SHCBP1L: variants seen among roughly 807,000 people sequenced by gnomAD.
The protein encoded by SHCBP1L is testicular spindle-associated protein SHCBP1L.
In SHCBP1L, 67 loss-of-function variants were observed where a neutral mutation model predicts 62.5. The ratio of observed to expected loss-of-function variants is 1.07; its 90% CI spans 0.88 to 1.31. The LOEUF is 1.31. SHCBP1L is among the 40% of genes most tolerant of loss of function. The pLI is 0.00. For synonymous variants in SHCBP1L, 284 were observed against 289.4 expected (o/e 0.98, Z 0.19); for missense variants, 823 against 809.8 (o/e 1.02, Z -0.20).
chr1:182,924,695 G>GGAAAGGAAGAAA (rs1650623730), intron 6 of SHCBP1L, among the ~76,000 whole-genome samples: 1 of 76,856 alleles, frequency 1.3e-5, no homozygotes, highest in Admixed American at 1.8e-4. Flanking sequence ...GGAAAGGAAA[G>GGAAAGGAAGAAA]GAAAGGAAGA....
rs1232288081 is a variant in SHCBP1L at position 182,952,635 on chromosome 1, G to A, written c.405+94C>T. ...AACGCAAGTTTTCGTTGTGCCCTGT[G>A]GATCCCCATCCGCCTAAGAGGGAAG... On this transcript the variant is annotated intron_variant, in intron 1 of 9. Coordinates refer to ENST00000367547, the MANE Select transcript of SHCBP1L (RefSeq NM_030933.4). The A allele has an allele frequency of 5.0e-6, 7 of 1,409,476 alleles. No homozygotes were observed. The Admixed American group carries it at 1.8e-4, about 36-fold the overall frequency. 87.3% of individuals were successfully genotyped at this position (1,409,476 alleles called of 1,614,324 possible). A position where few individuals can be genotyped will look rare whatever the true frequency, so the allele number is the denominator to read the frequency against.
chr1:182,934,059 A>G (rs544476083), intron 5 of SHCBP1L, among the ~76,000 whole-genome samples: 66 of 152,130 alleles, frequency 4.3e-4, no homozygotes, highest in Non-Finnish European at 1.2e-4. Context: ...CATTTTTGGT[A>G]GATTGTGTCT....
At chr1:182,950,350 G>A (rs932953532) in intron 2 of SHCBP1L, among the ~76,000 whole-genome samples, 1 of 152,034 alleles carries the variant, frequency 6.6e-6, no homozygotes, top group Non-Finnish European at 1.5e-5. Flanking sequence ...TATTAGGGCC[G>A]GGTGCAGTGA....
At chr1:182,927,999 A>G (rs1650836867) in intron 6 of SHCBP1L, among the ~76,000 whole-genome samples, 1 of 152,248 alleles carries the variant, frequency 6.6e-6, no homozygotes, top group Non-Finnish European at 1.5e-5. Flanking sequence ...TAAAAGCAAG[A>G]TTTATACCTT....
chr1:182,905,282 A>T (rs1649976202), intron 7 of SHCBP1L, among the ~76,000 whole-genome samples: 1 of 152,214 alleles, frequency 6.6e-6, no homozygotes, highest in Non-Finnish European at 1.5e-5. Context: ...AAAAGCAGTA[A>T]AGATAGATAA....
In SHCBP1L at chr1:182,900,075, G is replaced by A. The variant is rs1388284014; in HGVS notation, c.1870C>T (p.Leu624Phe). The A allele has an allele frequency of 1.4e-5, 23 of 1,612,780 alleles. No individual in the cohort carries two copies. The highest frequency in any genetic ancestry group is 2.0e-5 in the Non-Finnish European group (23 of 1,179,412). The change falls in exon 10 of 10, where the codon CTC becomes TTC. Residue 624 changes from leucine (L) to phenylalanine (F), a missense_variant. Transcript: ENST00000367547. ...SSGDKKDDKM[L>F]FKVMQNLNLE... ...TTCAGATTTTGCATTACTTTGAAGA[G>A]CATTTTATCATCTTTTTTATCTCCT... is the stretch of plus-strand genomic sequence containing the variant.
chr1:182,938,115 TTTTC>T (rs1651239314), intron 5 of SHCBP1L, among the ~76,000 whole-genome samples: 1 of 152,194 alleles, frequency 6.6e-6, no homozygotes, highest in African/African-American at 2.4e-5. Context: ...GCTTCTTATT[TTTTC>T]TTTCTGAGAT....
intron 6 of SHCBP1L, among the ~76,000 whole-genome samples, chr1:182,923,403 A>T (rs926014111): frequency 6.6e-6 from 1 of 152,220 alleles, no homozygotes; most frequent in Non-Finnish European, 1.5e-5. Context: ...AACCTGGCAG[A>T]AGCATCAAAA....
chr1:182,938,709 A>G (rs998728775), intron 5 of SHCBP1L, among the ~76,000 whole-genome samples: 1 of 152,166 alleles, frequency 6.6e-6, no homozygotes, highest in Admixed American at 6.5e-5. Context: ...CTTGGCCTCA[A>G]GTGATCCTCC....
At chr1:182,924,976 A>AAGAAAGAAAGAAAGAAAG (rs1414115841) in intron 6 of SHCBP1L, among the ~76,000 whole-genome samples, 3 of 137,560 alleles carry the variant, frequency 2.2e-5, no homozygotes, top group African/African-American at 6.0e-5. Context: ...GAAAGAAAGA[A>AAGAAAGAAAGAAAGAAAG]AAAAAAAGGA....
intron 9 of SHCBP1L, among the ~76,000 whole-genome samples, chr1:182,901,146 A>G (rs1478592745): frequency 6.6e-6 from 1 of 152,176 alleles, no homozygotes; most frequent in Non-Finnish European, 1.5e-5. Flanking sequence ...ACATTCAGAT[A>G]GTAATAAGAT....
At chr1:182,946,161 C>T (rs1253047147) in intron 2 of SHCBP1L, among the ~76,000 whole-genome samples, 3 of 151,854 alleles carry the variant, frequency 2.0e-5, no homozygotes. Flanking sequence ...CTTATTGGAC[C>T]TTCTCTTTGG....
chr1:182,949,593 A>G (rs1651680609), intron 2 of SHCBP1L, among the ~76,000 whole-genome samples: 1 of 151,970 alleles, frequency 6.6e-6, no homozygotes, highest in Non-Finnish European at 1.5e-5. Flanking sequence ...GCTACTCAGG[A>G]GGCTGAGGTG....
intron 5 of SHCBP1L, among the ~76,000 whole-genome samples, chr1:182,932,766 ATTACAG>A (rs907597575): frequency 2.4e-4 from 37 of 152,262 alleles, no homozygotes; most frequent in Non-Finnish European, 4.3e-4. Flanking sequence ...AAGTGCTGGG[ATTACAG>A]GCGTGAGCCA....
chr1:182,915,005 T>C (rs1411767495), intron 6 of SHCBP1L, among the ~76,000 whole-genome samples: 1 of 151,012 alleles, frequency 6.6e-6, no homozygotes, highest in East Asian at 1.9e-4. Context: ...CCATCTTTAC[T>C]AAAAATACAA....
At chr1:182,924,863 G>T (rs1480344585) in intron 6 of SHCBP1L, among the ~76,000 whole-genome samples, 1 of 141,152 alleles carries the variant, frequency 7.1e-6, no homozygotes, top group East Asian at 2.1e-4. Context: ...GAGGAAGGAA[G>T]GAAGGAAAGA....
At chr1:182,928,168 T>TTTATC (rs1233523238) in intron 6 of SHCBP1L, among the ~76,000 whole-genome samples, 1 of 147,078 alleles carries the variant, frequency 6.8e-6, no homozygotes, top group Non-Finnish European at 1.5e-5. Flanking sequence ...ATATGCCAGC[T>TTTATC]TTATCTTTCA....
chr1:182,934,389 G>C (rs1188105889), intron 5 of SHCBP1L, among the ~76,000 whole-genome samples: 1 of 152,102 alleles, frequency 6.6e-6, no homozygotes. Flanking sequence ...ATTTCTAATA[G>C]GTATGTAATG....
chr1:182,953,119 G>T lies in SHCBP1L; in HGVS notation c.15C>A (p.Ser5=). The change falls in exon 1 of 10, where the codon TCC becomes TCA. Residue 5 remains serine (S), a synonymous_variant. Coordinates refer to ENST00000367547, the MANE Select transcript of SHCBP1L (RefSeq NM_030933.4). MASG[S]KASVPADSFR... is the part of the protein sequence containing the mutation. ...ATGAGTCCGCGGGCACCGAGGCCTT[G>T]GAGCCCGACGCCATCTCCTCAGCAG... The T allele has an allele frequency of 6.3e-7, 1 of 1,579,452 alleles. No homozygotes were observed. Among genetic ancestry groups the T allele is most frequent in the Non-Finnish European group, 8.5e-7 (1 of 1,171,024 alleles).
Sources: gnomAD v4.1 joint callset for allele counts (sites outside exome capture counted in the v4.1 genomes callset) on GRCh38, gnomAD v4.1.1 for gene constraint, MANE v1.5 for transcripts, NCBI Gene and HGNC (gene_info 2026-07-23, HGNC 2026-07-21) for gene names.